The following XKR6 variants were observed in gnomAD, a reference collection of about 807,000 sequenced individuals.
XKR6 encodes the protein XK related 6, also known as XK-related protein 6.
In XKR6, 22 loss-of-function variants were observed where a neutral mutation model predicts 56.7. That is an observed-to-expected ratio of 0.39 (90% CI 0.28 to 0.55). The LOEUF (loss-of-function observed/expected upper bound fraction) is 0.55. XKR6 is among the 20% of genes least tolerant of loss of function. The pLI, the probability that XKR6 is intolerant of heterozygous loss-of-function variation, is 0.66. For synonymous variants in XKR6, 524 were observed against 387.8 expected, an observed-to-expected ratio of 1.35 and a Z score of -4.13; for missense variants, 852 against 889.0, an observed-to-expected ratio of 0.96 and a Z score of 0.53.
At chr8:11,064,333 AAAAC>A (rs1245438301) in intron 1 of XKR6, among the ~76,000 whole-genome samples, 1 of 152,174 alleles carries the variant, frequency 6.6e-6, no homozygotes, top group Admixed American at 6.5e-5. Context: ...AGCCTTGTGA[AAAAC>A]AAACTAAAAC....
intron 1 of XKR6, among the ~76,000 whole-genome samples, chr8:10,952,138 T>G (rs1006359559): frequency 1.3e-5 from 2 of 152,042 alleles, no homozygotes; most frequent in African/African-American, 4.8e-5. Context: ...CCCATCCCCA[T>G]CCCAGGCCTC....
chr8:11,114,324 A>G (rs1228689186), intron 1 of XKR6, among the ~76,000 whole-genome samples: 1 of 152,148 alleles, frequency 6.6e-6, no homozygotes, highest in African/African-American at 2.4e-5. Context: ...AGCTAAAGTC[A>G]TATTTGATTC....
At position 11,156,365 on chromosome 8, in the gene XKR6, A is replaced by G. The variant is rs575892383; in HGVS notation, c.764+44211T>C. Among the ~76,000 whole-genome samples the G allele has an allele frequency of 3.3e-5, 5 of 152,288 alleles. No individual in the cohort carries two copies. The East Asian group carries it at 9.6e-4, about 29-fold the overall frequency. On this transcript the variant is annotated intron_variant, in intron 1 of 2. Transcript: ENST00000416569. Reference sequence around the variant, plus strand: ...TCCCTACCATCTCATCCAATGTAAAACTATGTCTGAGAGCATGCAACACAT... The same window carrying G: ...TCCCTACCATCTCATCCAATGTAAAGCTATGTCTGAGAGCATGCAACACAT...
At chr8:11,195,506 A>G (rs1803829096) in intron 1 of XKR6, among the ~76,000 whole-genome samples, 1 of 152,198 alleles carries the variant, frequency 6.6e-6, no homozygotes, top group Non-Finnish European at 1.5e-5. Flanking sequence ...ACATTGGTCT[A>G]ATTATTGACA....
intron 1 of XKR6, among the ~76,000 whole-genome samples, chr8:11,081,552 T>C (rs143266992): frequency 6.6e-6 from 1 of 152,344 alleles, no homozygotes; most frequent in Non-Finnish European, 1.5e-5. Context: ...CTTCCTCTCC[T>C]GGGGCTCTTC....
intron 2 of XKR6, among the ~76,000 whole-genome samples, chr8:10,899,670 G>T (rs1006179471): frequency 2.6e-5 from 4 of 152,154 alleles, no homozygotes; most frequent in African/African-American, 7.2e-5. Context: ...TTCTCTGGTT[G>T]CCCTCTGGGT....
At chr8:11,039,859 G>A (rs543511980) in intron 1 of XKR6, among the ~76,000 whole-genome samples, 1 of 152,358 alleles carries the variant, frequency 6.6e-6, no homozygotes, top group Admixed American at 6.5e-5. Context: ...GAACGCCGGG[G>A]ACAGCTGCTC....
chr8:10,975,889 A>G (rs990147384), intron 1 of XKR6, among the ~76,000 whole-genome samples: 2 of 152,054 alleles, frequency 1.3e-5, no homozygotes, highest in African/African-American at 4.8e-5. Flanking sequence ...AGGTATCAAA[A>G]GCGCCCACCA....
chr8:10,923,875 T>C (rs1800797346), intron 2 of XKR6, among the ~76,000 whole-genome samples: 1 of 152,172 alleles, frequency 6.6e-6, no homozygotes, highest in African/African-American at 2.4e-5. Flanking sequence ...CGCTCTGCAG[T>C]CAGGAACTTC....
intron 2 of XKR6, among the ~76,000 whole-genome samples, chr8:10,904,360 G>C (rs1563279476): frequency 6.6e-6 from 1 of 152,132 alleles, no homozygotes; most frequent in South Asian, 2.1e-4. Flanking sequence ...CCAGCCCTGG[G>C]GTCTCAGGTT....
intron 1 of XKR6, among the ~76,000 whole-genome samples, chr8:11,061,541 C>T (rs1799834984): frequency 1.3e-5 from 2 of 152,066 alleles, no homozygotes; most frequent in South Asian, 4.2e-4. Flanking sequence ...TCTGACAATC[C>T]CATGTTGCAG....
chr8:10,952,671 G>A (rs1441786764), intron 1 of XKR6, among the ~76,000 whole-genome samples: 1 of 152,108 alleles, frequency 6.6e-6, no homozygotes, highest in African/African-American at 2.4e-5. Context: ...GTGTATCCTT[G>A]CCCAAATCTC....
intron 1 of XKR6, chr8:11,123,674 T>C (rs1438527246): frequency 2.8e-6 from 1 of 357,154 alleles, no homozygotes; most frequent in Non-Finnish European, 5.5e-6. Context: ...TCTTTATGTA[T>C]ATATACTTGT....
intron 1 of XKR6, among the ~76,000 whole-genome samples, chr8:11,144,050 G>A (rs1047323324): frequency 6.6e-6 from 1 of 151,996 alleles, no homozygotes; most frequent in African/African-American, 2.4e-5. Flanking sequence ...ACTGGATTAA[G>A]ACCCCCCGTC....
In XKR6 at chr8:11,161,694, G is replaced by C. The variant is rs528439729; in HGVS notation, c.764+38882C>G. ...ATGTTGGGAGCATTTTAAGTCCTTA[G>C]TAAATCTTACTGATTAGTCAGTCAA... On this transcript the variant is annotated intron_variant, in intron 1 of 2. Coordinates refer to ENST00000416569, the MANE Select transcript of XKR6 (RefSeq NM_173683.4). Among the ~76,000 whole-genome samples, 28 of 152,248 alleles carry C rather than the reference G, an allele frequency of 1.8e-4. No homozygotes were observed. In the South Asian group the frequency reaches 5.6e-3, roughly 30 times the overall value.
chr8:10,959,967 C>T (rs543744399), intron 1 of XKR6, among the ~76,000 whole-genome samples: 1 of 152,232 alleles, frequency 6.6e-6, no homozygotes, highest in Non-Finnish European at 1.5e-5. Flanking sequence ...GCAGCACTCA[C>T]ACTCAGGGGT....
intron 1 of XKR6, among the ~76,000 whole-genome samples, chr8:11,110,580 T>C (rs968768234): frequency 1.3e-5 from 2 of 152,220 alleles, no homozygotes; most frequent in Admixed American, 6.5e-5. Context: ...CAAGTTGCTC[T>C]GAATGTCGTC....
intron 1 of XKR6, among the ~76,000 whole-genome samples, chr8:10,991,159 C>T (rs1265327756): frequency 2.0e-5 from 3 of 152,138 alleles, no homozygotes; most frequent in Non-Finnish European, 4.4e-5. Context: ...CTGTCTCAGC[C>T]TCCCAAAGTG....
chr8:10,961,209 A>C (rs1802049675), intron 1 of XKR6, among the ~76,000 whole-genome samples: 2 of 152,196 alleles, frequency 1.3e-5, no homozygotes, highest in African/African-American at 2.4e-5. Flanking sequence ...AAAGATTTAA[A>C]CAGTGAAGCT....
Sources: gnomAD v4.1 joint callset for allele counts (sites outside exome capture counted in the v4.1 genomes callset) on GRCh38, gnomAD v4.1.1 for gene constraint, MANE v1.5 for transcripts, NCBI Gene and HGNC (gene_info 2026-07-23, HGNC 2026-07-21) for gene names.